Variants in CPNE4 observed in about 807,000 individuals in gnomAD.
CPNE4 encodes copine-4.
A neutral mutation model predicts 67.9 loss-of-function variants in CPNE4; 25 were observed. That is an observed-to-expected ratio of 0.37 (90% confidence interval 0.27 to 0.51). The LOEUF (loss-of-function observed/expected upper bound fraction) is 0.51. Among genes scored for constraint, CPNE4 ranks in the 20% least tolerant of loss-of-function variants. CPNE4 has a pLI of 0.93. For synonymous variants in CPNE4, 242 were observed against 244.9 expected (o/e 0.99, Z 0.11); for missense variants, 464 against 690.8 (o/e 0.67, Z 3.68).
At chr3:132,029,679 C>T (rs983139324) in intron 1 of CPNE4, among the ~76,000 whole-genome samples, 1 of 152,140 alleles carries the variant, frequency 6.6e-6, no homozygotes, top group African/African-American at 2.4e-5. Context: ...AAAGTTAATC[C>T]GAAATACTGT....
intron 7 of CPNE4, among the ~76,000 whole-genome samples, chr3:131,600,369 A>G (rs2107722989): frequency 6.6e-6 from 1 of 152,272 alleles, no homozygotes; most frequent in Non-Finnish European, 1.5e-5. Flanking sequence ...TAGCCAAGTG[A>G]CCTGTAGATG....
intron 1 of CPNE4, among the ~76,000 whole-genome samples, chr3:131,967,027 G>A (rs573752361): frequency 3.9e-5 from 6 of 152,236 alleles, no homozygotes; most frequent in South Asian, 2.1e-4. Context: ...TATCCACCAC[G>A]ATCAAGTCAG....
intron 1 of CPNE4, among the ~76,000 whole-genome samples, chr3:131,912,997 C>A (rs539973320): frequency 4.0e-5 from 6 of 151,832 alleles, no homozygotes; most frequent in South Asian, 2.1e-4. Flanking sequence ...AACAGACACT[C>A]GTATATGAGA....
At chr3:131,642,611 G>A (rs2079567298) in intron 7 of CPNE4, among the ~76,000 whole-genome samples, 1 of 152,174 alleles carries the variant, frequency 6.6e-6, no homozygotes, top group Non-Finnish European at 1.5e-5. Context: ...GTCATGGGAA[G>A]GACCCAGTGG....
chr3:131,896,089 T>G (rs747542469), intron 2 of CPNE4, among the ~76,000 whole-genome samples: 10 of 152,022 alleles, frequency 6.6e-5, no homozygotes, highest in Non-Finnish European at 1.3e-4. Flanking sequence ...ATGTCCCTTA[T>G]ATATAAGAAA....
At chr3:131,561,007 T>A (rs1456079799) in intron 11 of CPNE4, among the ~76,000 whole-genome samples, 3 of 152,096 alleles carry the variant, frequency 2.0e-5, no homozygotes, top group Non-Finnish European at 4.4e-5. Flanking sequence ...TGAAAATACC[T>A]GTCAGATTGG....
intron 2 of CPNE4, among the ~76,000 whole-genome samples, chr3:131,822,627 A>G (rs1362147853): frequency 1.3e-5 from 2 of 152,196 alleles, no homozygotes; most frequent in Non-Finnish European, 2.9e-5. Flanking sequence ...ACAATTTTAC[A>G]GAGTCAGCAG....
intron 7 of CPNE4, among the ~76,000 whole-genome samples, chr3:131,608,097 T>C (rs1407072721): frequency 6.6e-6 from 1 of 152,244 alleles, no homozygotes; most frequent in African/African-American, 2.4e-5. Flanking sequence ...AAACTCATAG[T>C]GACATTAGTG....
At chr3:131,694,965 T>TAATAGAAA (rs1180371654) in intron 5 of CPNE4, among the ~76,000 whole-genome samples, 1 of 152,206 alleles carries the variant, frequency 6.6e-6, no homozygotes, top group Non-Finnish European at 1.5e-5. Context: ...AATAGATTGT[T>TAATAGAAA]TACCATGCAG....
chr3:131,987,844 C>T (rs957179982), intron 1 of CPNE4, among the ~76,000 whole-genome samples: 12 of 152,166 alleles, frequency 7.9e-5, no homozygotes, highest in African/African-American at 2.9e-4. Flanking sequence ...CTTTGAGTCT[C>T]AAGGCTCTAG....
At chr3:131,881,958 T>A (rs920000123) in intron 2 of CPNE4, among the ~76,000 whole-genome samples, 2 of 152,214 alleles carry the variant, frequency 1.3e-5, no homozygotes, top group African/African-American at 4.8e-5. Context: ...ATATTTTTCT[T>A]CCTACTAAGA....
At chr3:131,704,645 G>A (rs1213476850) in intron 3 of CPNE4, among the ~76,000 whole-genome samples, 2 of 152,104 alleles carry the variant, frequency 1.3e-5, no homozygotes, top group East Asian at 3.9e-4. Context: ...CACTTATTCT[G>A]TGACAGATGA....
rs140472259 is a variant in CPNE4 at position 131,544,671 on chromosome 3, G to A, written c.1303-1878C>T. Among the ~76,000 whole-genome samples the A allele has an allele frequency of 4.3e-3, 662 of 152,264 alleles. 3 individuals carry two copies. Among genetic ancestry groups the A allele is most frequent in the African/African-American group, 0.015 (611 of 41,552 alleles). On this transcript the variant is annotated intron_variant, in intron 14 of 15. Transcript: ENST00000429747. ...GTGGTAGGGAGGTGCAGAGAGAAGCGGCAGAAAGAGGCAATGTTGGTGGTT... is the reference window on the plus strand; with the variant it reads ...GTGGTAGGGAGGTGCAGAGAGAAGCAGCAGAAAGAGGCAATGTTGGTGGTT...
chr3:132,001,034 C>T (rs1028919388), intron 1 of CPNE4, among the ~76,000 whole-genome samples: 17 of 151,892 alleles, frequency 1.1e-4, no homozygotes, highest in African/African-American at 4.1e-4. Context: ...CCAGTCAAGA[C>T]CATGTCAAAA....
At chr3:131,983,565 A>T (rs894158228) in intron 1 of CPNE4, among the ~76,000 whole-genome samples, 1 of 152,122 alleles carries the variant, frequency 6.6e-6, no homozygotes, top group African/African-American at 2.4e-5. Context: ...AAAATTCAAA[A>T]CCAATACTTT....
rs200336800 is a variant in CPNE4, at chr3:131,792,734, T to C, written c.181-69109A>G. 2.4e-3 allele frequency among the ~76,000 whole-genome samples: 119 copies of C among 50,420 alleles called. 6 individuals are homozygous for C. Among genetic ancestry groups the C allele is most frequent in the Non-Finnish European group, 4.3e-3 (71 of 16,380 alleles). The allele number at this position is 50,420 out of a possible 152,430, so 33.1% of individuals were successfully genotyped here. ...GTGTATATATGTATATATATACACG[T>C]GTGTATATATGTATATATATACACA... On this transcript the variant is annotated intron_variant, in intron 2 of 15. Transcript: ENST00000429747.
intron 7 of CPNE4, among the ~76,000 whole-genome samples, chr3:131,661,364 T>A (rs1178402397): frequency 6.6e-6 from 1 of 152,202 alleles, no homozygotes; most frequent in Non-Finnish European, 1.5e-5. Flanking sequence ...ACCTGTAATA[T>A]AAGATGATAA....
In CPNE4 at chr3:131,699,910, G is replaced by A. The variant is rs201028389; in HGVS notation, c.431C>T (p.Thr144Met). 4.5e-5 allele frequency: 72 copies of A among 1,612,888 alleles called. No homozygotes were observed. The highest frequency in any genetic ancestry group is 1.6e-4 in the African/African-American group (12 of 75,038). The change falls in exon 4 of 16, where the codon ACG becomes ATG. Residue 144 changes from threonine to methionine, a missense_variant and splice_region_variant. Physicochemically the swap from Thr to Met is moderately conservative, Grantham distance 81. Coordinates refer to ENST00000429747, the MANE Select transcript of CPNE4 (RefSeq NM_130808.3). Reference protein sequence around the residue: ...HGNTAGKSSITVIAEELSGND... With the variant: ...HGNTAGKSSIMVIAEELSGND... ...GCTGCTTAGGGAGTGCCTGCTTACC[G>A]TGATGGAAGATTTCCCTGCTGTGTT...
intron 1 of CPNE4, among the ~76,000 whole-genome samples, chr3:132,029,298 A>AGG (rs1363495535): frequency 6.6e-6 from 1 of 152,212 alleles, no homozygotes; most frequent in East Asian, 1.9e-4. Context: ...CCAGATGCTC[A>AGG]GGGCAAAACC....
Sources: allele counts gnomAD v4.1 joint callset (sites outside exome capture counted in the v4.1 genomes callset), GRCh38; gene constraint gnomAD v4.1.1; transcripts MANE v1.5; gene names NCBI Gene and HGNC (gene_info 2026-07-23, HGNC 2026-07-21).